The following CCDC18 variants were observed in gnomAD, a reference collection of about 807,000 sequenced individuals.
CCDC18 encodes the protein coiled-coil domain containing 18.
CCDC18 carries 157 observed loss-of-function variants against 196.0 expected under a neutral mutation model. The observed-to-expected ratio is 0.80, with a 90% CI of 0.70 to 0.91. CCDC18 has a LOEUF of 0.91. Ranked by LOEUF, CCDC18 falls within the 40% of genes least tolerant of loss-of-function variation. CCDC18 has a pLI of 0.00. For missense variants in CCDC18, 1,465 were observed against 1,611.6 expected (o/e 0.91, Z 1.56); for synonymous variants, 482 against 529.2 (o/e 0.91, Z 1.22).
At chr1:93,193,483 C>T (rs998018186) in intron 5 of CCDC18, 133 bp from the exon 6 acceptor site, 11 of 538,936 alleles carry the variant, frequency 2.0e-5, no homozygotes, top group Non-Finnish European at 3.4e-5. Context: ...ATGCCTTTTT[C>T]TCTATCTCTT....
chr1:93,256,956 G>C (rs994750990), intron 25 of CCDC18, among the ~76,000 whole-genome samples: 1 of 151,824 alleles, frequency 6.6e-6, no homozygotes, highest in African/African-American at 2.4e-5. Flanking sequence ...GGCTTGGCAC[G>C]GTGGCTCATA....
At chr1:93,226,555 A>G in intron 17 of CCDC18, 106 bp downstream of exon 17, 1 of 340,218 alleles carries the variant, frequency 2.9e-6, no homozygotes, top group South Asian at 5.6e-5. Flanking sequence ...TTCTTTTGAG[A>G]CAGCGTCTCC....
intron 21 of CCDC18, among the ~76,000 whole-genome samples, chr1:93,241,093 T>C (rs1400079930): frequency 6.6e-6 from 1 of 152,074 alleles, no homozygotes; most frequent in East Asian, 1.9e-4. Flanking sequence ...TAACTGGGAT[T>C]ACAGGCACCT....
At position 93,264,819 on chromosome 1, in the gene CCDC18, A is replaced by G. The variant is rs1400315314; in HGVS notation, c.3803A>G (p.Gln1268Arg). 1 of 1,613,598 alleles carries G rather than the reference A, an allele frequency of 6.2e-7. No homozygotes were observed. The highest frequency in any genetic ancestry group is 1.1e-5 in the South Asian group (1 of 91,066). The change falls in exon 27 of 29, where the codon CAG (glutamine) becomes CGG (arginine). Residue 1268 changes from glutamine to arginine, a missense_variant. By Grantham distance (43) the Gln-to-Arg change is conservative. Transcript: ENST00000690025. ...EKAKLELEEAQDTVSNLHQQV... is the reference protein window; with the variant it reads ...EKAKLELEEARDTVSNLHQQV... ...GCAAAATTGGAATTAGAAGAAGCTC[A>G]GGATACTGTAAGCAATTTGCATCAA...
rs1375032777 is a variant in CCDC18 at position 93,270,644 on chromosome 1, A to T, written c.4183A>T (p.Asn1395Tyr). ...QPSTLEESHK[N>Y]LTYTQPDSFK... ...TTCAACATTAGAAGAAAGCCATAAG[A>T]ATCTGACTTACACCCAGCCAGACTC... is the stretch of plus-strand genomic sequence containing the variant. Residue 1395 changes from asparagine to tyrosine, a missense_variant, in exon 28 of 29, where the codon AAT becomes TAT. Transcript: ENST00000690025. The T allele has an allele frequency of 3.9e-6, 6 of 1,550,304 alleles. No homozygotes were observed. Among genetic ancestry groups the T allele is most frequent in the Non-Finnish European group, 5.2e-6 (6 of 1,146,912 alleles).
In CCDC18 at chr1:93,216,624, A is replaced by G. The variant is rs1358351500; in HGVS notation, c.1720-12A>G. On this transcript the variant is annotated splice_polypyrimidine_tract_variant and intron_variant, in intron 12 of 28. Coordinates refer to ENST00000690025, the MANE Select transcript of CCDC18 (RefSeq NM_001378204.1). Reference sequence around the variant, plus strand: ...AAAAAATAATTTTACATTTATTTCAATGTGTTTTCAGATGACAAAGAAATG... The same window carrying G: ...AAAAAATAATTTTACATTTATTTCAGTGTGTTTTCAGATGACAAAGAAATG... 8.6e-6 allele frequency: 11 copies of G among 1,283,808 alleles called. No homozygotes were observed. The highest frequency in any genetic ancestry group is 4.9e-5 in the East Asian group (2 of 41,078). The allele number at this position is 1,283,808 out of a possible 1,614,324, so 79.5% of individuals were successfully genotyped here. A position where few individuals can be genotyped will look rare whatever the true frequency, so the allele number is the denominator to read the frequency against.
chr1:93,205,513 C>A lies in CCDC18; in HGVS notation c.799C>A (p.Gln267Lys). The A allele has an allele frequency of 6.3e-7, 1 of 1,581,158 alleles. No homozygotes were observed. The highest frequency in any genetic ancestry group is 8.6e-7 in the Non-Finnish European group (1 of 1,165,842). ...KKVAEKLEKV[Q>K]AEEEILERNL... ...TCCACTTAAATTATTGTTTTAGGTT[C>A]AAGCTGAAGAAGAAATATTAGAGAG... is the stretch of plus-strand genomic sequence containing the variant. Residue 267 changes from glutamine to lysine, a missense_variant, in exon 8 of 29, where the codon CAA (glutamine) becomes AAA (lysine). Transcript: ENST00000690025.
rs936999849 is a variant in CCDC18 at position 93,270,804 on chromosome 1, G to C, written c.4343G>C (p.Gly1448Ala). The C allele has an allele frequency of 4.6e-6, 7 of 1,529,078 alleles. No homozygotes were observed. The highest frequency in any genetic ancestry group is 1.4e-5 in the African/African-American group (1 of 71,722). The allele number at this position is 1,529,078 out of a possible 1,614,324, so 94.7% of individuals were successfully genotyped here. A position where few individuals can be genotyped will look rare whatever the true frequency, so the allele number is the denominator to read the frequency against. The change falls in exon 28 of 29, where the codon GGT becomes GCT. Residue 1448 changes from glycine to alanine, a missense_variant. By Grantham distance (60) the Gly-to-Ala change is moderately conservative (BLOSUM62 0). Coordinates refer to ENST00000690025, the MANE Select transcript of CCDC18 (RefSeq NM_001378204.1). ...AAGTCTTCTATGCAAACAGGTGCTG[G>C]TTTAAATCAGGTATGTATTTTATAC... ...LKKSSMQTGA[G>A]LNQGENV
At chr1:93,275,195 C>T (rs1665561115) in intron 28 of CCDC18, among the ~76,000 whole-genome samples, 1 of 152,194 alleles carries the variant, frequency 6.6e-6, no homozygotes, top group Admixed American at 6.5e-5. Context: ...GCAACCTCCG[C>T]TTCCCAGGTT....
rs1477754458 is a variant in CCDC18, at chr1:93,217,791, G to A, written c.1884G>A (p.Glu628=). ...AAACCAATATTAATACAGAGCATGAGAAAATTTGTTTAGCCTTTGAAAAAG... is the reference window on the plus strand; with the variant it reads ...AAACCAATATTAATACAGAGCATGAAAAAATTTGTTTAGCCTTTGAAAAAG... ...SLETNINTEH[E]KICLAFEKAK... Residue 628 remains glutamate, a synonymous_variant, in exon 14 of 29, where the codon GAG becomes GAA. Transcript: ENST00000690025. 2 of 1,610,070 alleles carry A rather than the reference G, an allele frequency of 1.2e-6. No homozygotes were observed. Among genetic ancestry groups the A allele is most frequent in the East Asian group, 2.2e-5 (1 of 44,844 alleles).
intron 7 of CCDC18, among the ~76,000 whole-genome samples, chr1:93,205,093 A>G (rs1463690630): frequency 6.6e-6 from 1 of 152,104 alleles, no homozygotes; most frequent in Non-Finnish European, 1.5e-5. Context: ...GATCTACCCA[A>G]TCTTCTCCTC....
intron 19 of CCDC18, 44 bp downstream of exon 19, chr1:93,236,434 A>G: frequency 6.4e-7 from 1 of 1,551,756 alleles, no homozygotes; most frequent in South Asian, 1.2e-5. Flanking sequence ...CTTCAATATC[A>G]GTGGTATCTG....
intron 1 of CCDC18, among the ~76,000 whole-genome samples, chr1:93,181,995 A>T (rs1649798200): frequency 6.6e-6 from 1 of 152,242 alleles, no homozygotes; most frequent in South Asian, 2.1e-4. Flanking sequence ...ACCAAATGGT[A>T]TTATAGAATT....
intron 13 of CCDC18, 120 bp downstream of exon 13, chr1:93,216,866 C>G: frequency 1.9e-6 from 1 of 537,944 alleles, no homozygotes; most frequent in Non-Finnish European, 3.3e-6. Flanking sequence ...TTCTACTAAA[C>G]TCTTCTGATC....
At chr1:93,185,046 A>G (rs1355207782) in intron 3 of CCDC18, among the ~76,000 whole-genome samples, 1 of 151,946 alleles carries the variant, frequency 6.6e-6, no homozygotes, top group East Asian at 1.9e-4. Context: ...ATTGAGAACA[A>G]AAATATCAGT....
intron 13 of CCDC18, among the ~76,000 whole-genome samples, 189 bp downstream of exon 13, chr1:93,216,935 C>CTCTTTTTTTTTT (rs781629982): frequency 7.5e-6 from 1 of 132,772 alleles, no homozygotes; most frequent in Non-Finnish European, 1.6e-5. Flanking sequence ...CAAGTTTTCT[C>CTCTTTTTTTTTT]TTTTTTTTTT....
At chr1:93,220,657 A>G (rs1657280968) in intron 14 of CCDC18, among the ~76,000 whole-genome samples, 1 of 152,138 alleles carries the variant, frequency 6.6e-6, no homozygotes, top group African/African-American at 2.4e-5. Flanking sequence ...GGGTACACGT[A>G]CAGGAGGTGC....
At chr1:93,188,558 G>A (rs1204408730) in intron 4 of CCDC18, among the ~76,000 whole-genome samples, 1 of 152,110 alleles carries the variant, frequency 6.6e-6, no homozygotes, top group Non-Finnish European at 1.5e-5. Context: ...AGAATTTTTA[G>A]GGCATTACTC....
intron 1 of CCDC18, 60 bp downstream of exon 1, chr1:93,180,912 C>G: frequency 7.4e-7 from 1 of 1,350,322 alleles, no homozygotes; most frequent in South Asian, 1.1e-5. Flanking sequence ...CGTGGGGAAA[C>G]CGGCTTACCT....
Sources: gnomAD v4.1 joint callset for allele counts (sites outside exome capture counted in the v4.1 genomes callset) on GRCh38, gnomAD v4.1.1 for gene constraint, MANE v1.5 for transcripts, NCBI Gene and HGNC (gene_info 2026-07-23, HGNC 2026-07-21) for gene names.